SLC16A2: variants seen among roughly 807,000 people sequenced by gnomAD.
SLC16A2 encodes solute carrier family 16 member 2.
In SLC16A2, 3 loss-of-function variants were observed where a neutral mutation model predicts 27.2. That is an observed-to-expected ratio of 0.11 (90% CI 0.05 to 0.28). The LOEUF (loss-of-function observed/expected upper bound fraction) is 0.28, where lower values mean the gene tolerates loss of function less well. Among genes scored for constraint, SLC16A2 ranks in the 10% least tolerant of loss-of-function variants. SLC16A2 has a pLI of 1.00. For synonymous variants in SLC16A2, 202 were observed against 187.8 expected (o/e 1.08, Z -0.62); for missense variants, 295 against 458.5 (o/e 0.64, Z 3.26).
chrX:74,431,884 C>T (rs1928540296), intron 1 of SLC16A2, among the ~76,000 whole-genome samples: 1 of 111,375 alleles, frequency 9.0e-6, no homozygotes, highest in African/African-American at 3.3e-5. Context: ...ATTTCCTCCC[C>T]ATCTCCCACC....
intron 1 of SLC16A2, among the ~76,000 whole-genome samples, chrX:74,496,040 C>T (rs111853373): frequency 1.8e-5 from 2 of 110,971 alleles, no homozygotes; most frequent in Admixed American, 9.5e-5. Flanking sequence ...CCCAACTGCC[C>T]GGTCTTCCAG....
intron 1 of SLC16A2, among the ~76,000 whole-genome samples, chrX:74,451,056 T>A (rs1026525903): frequency 8.9e-6 from 1 of 111,953 alleles, no homozygotes; most frequent in Non-Finnish European, 1.9e-5. Context: ...GATCTGTGGG[T>A]AAAACACATG....
chrX:74,466,884 G>C (rs1442081550), intron 1 of SLC16A2, among the ~76,000 whole-genome samples: 2 of 112,717 alleles, frequency 1.8e-5, no homozygotes, highest in Non-Finnish European at 3.7e-5. Context: ...TGTGGCCCTA[G>C]AGAGGTTTTA....
At chrX:74,481,821 T>G (rs979776580) in intron 1 of SLC16A2, among the ~76,000 whole-genome samples, 1 of 108,371 alleles carries the variant, frequency 9.2e-6, no homozygotes, top group South Asian at 4.0e-4. Flanking sequence ...GTTTTTAAAT[T>G]TTTTTATTGA....
intron 1 of SLC16A2, among the ~76,000 whole-genome samples, chrX:74,427,774 CAT>C (rs1353507097): frequency 3.7e-5 from 4 of 106,778 alleles, no homozygotes; most frequent in African/African-American, 1.4e-4. Flanking sequence ...CACATATACA[CAT>C]GTGCGCAAGC....
chrX:74,453,562 A>G (rs1440545056), intron 1 of SLC16A2, among the ~76,000 whole-genome samples: 1 of 111,386 alleles, frequency 9.0e-6, no homozygotes, highest in African/African-American at 3.3e-5. Flanking sequence ...CTTTAAAAAA[A>G]CTGTTATTTT....
chrX:74,468,410 C>G (rs750453843), intron 1 of SLC16A2, among the ~76,000 whole-genome samples: 6 of 111,959 alleles, frequency 5.4e-5, no homozygotes, highest in African/African-American at 1.9e-4. Flanking sequence ...ATAATGTTTT[C>G]AAGGTTCTTC....
At chrX:74,467,285 G>T (rs1326909972) in intron 1 of SLC16A2, among the ~76,000 whole-genome samples, 3 of 111,694 alleles carry the variant, frequency 2.7e-5, no homozygotes, top group African/African-American at 9.8e-5. Context: ...CTTGACCTAG[G>T]CTACACAGCA....
At chrX:74,508,628 G>C (rs1407834660) in intron 1 of SLC16A2, among the ~76,000 whole-genome samples, 1 of 111,399 alleles carries the variant, frequency 9.0e-6, no homozygotes, top group Non-Finnish European at 1.9e-5. Flanking sequence ...TTATAATGTT[G>C]TCTGTAAATA....
At chrX:74,504,007 CTAAG>C (rs1414523525) in intron 1 of SLC16A2, among the ~76,000 whole-genome samples, 4 of 112,321 alleles carry the variant, frequency 3.6e-5, no homozygotes, top group African/African-American at 1.3e-4. Flanking sequence ...ATAGTAAGTG[CTAAG>C]TAAGTGTTAA....
chrX:74,421,696 A>T lies in SLC16A2; in HGVS notation c.59A>T (p.Gln20Leu), dbSNP rs1188921948. 2.5e-6 allele frequency: 3 copies of T among 1,190,547 alleles called. No individual in the cohort carries two copies. Among genetic ancestry groups the T allele is most frequent in the Non-Finnish European group, 3.4e-6 (3 of 887,026 alleles). ...EAKGPWQEAD[Q>L]EQQEPVGSPE... Reference sequence around the variant, plus strand: ...AAGGGGCCCTGGCAGGAGGCAGACCAGGAACAGCAGGAGCCGGTGGGTAGC... The same window carrying T: ...AAGGGGCCCTGGCAGGAGGCAGACCTGGAACAGCAGGAGCCGGTGGGTAGC... The change falls in exon 1 of 6, where the codon CAG becomes CTG. Residue 20 changes from glutamine to leucine, a missense_variant. Coordinates refer to ENST00000587091, the MANE Select transcript of SLC16A2 (RefSeq NM_006517.5).
At chrX:74,428,841 A>C (rs1432600891) in intron 1 of SLC16A2, among the ~76,000 whole-genome samples, 1 of 111,884 alleles carries the variant, frequency 8.9e-6, no homozygotes, top group Non-Finnish European at 1.9e-5. Context: ...AATATTCAAC[A>C]AATGTCGTCA....
chrX:74,516,625 A>G (rs1048066934), intron 1 of SLC16A2, among the ~76,000 whole-genome samples: 3 of 111,679 alleles, frequency 2.7e-5, no homozygotes, highest in African/African-American at 9.8e-5. Flanking sequence ...AAAAAGGTAT[A>G]CAAAGGAACA....
At chrX:74,459,245 T>TATATATATACA (rs1569288361) in intron 1 of SLC16A2, among the ~76,000 whole-genome samples, 4 of 99,066 alleles carry the variant, frequency 4.0e-5, no homozygotes, top group African/African-American at 1.1e-4. Context: ...TATATATATA[T>TATATATATACA]CTCACAAGTG....
chrX:74,504,443 A>G (rs1270448330), intron 1 of SLC16A2, among the ~76,000 whole-genome samples: 2 of 111,420 alleles, frequency 1.8e-5, no homozygotes, highest in Admixed American at 9.6e-5. Flanking sequence ...CCAGTACCCA[A>G]CCCAGACCCA....
At chrX:74,451,866 TTATAAA>T (rs1262301259) in intron 1 of SLC16A2, among the ~76,000 whole-genome samples, 1 of 112,835 alleles carries the variant, frequency 8.9e-6, no homozygotes, top group Non-Finnish European at 1.9e-5. Flanking sequence ...CTTCCTGGTG[TTATAAA>T]TAGGAGGGAA....
chrX:74,488,645 G>A (rs1254254657), intron 1 of SLC16A2, among the ~76,000 whole-genome samples: 4 of 110,112 alleles, frequency 3.6e-5, no homozygotes, highest in Middle Eastern at 9.3e-3. Context: ...ACATTATTAC[G>A]ACTTGCATAG....
chrX:74,446,993 G>A (rs1928848799), intron 1 of SLC16A2, among the ~76,000 whole-genome samples: 1 of 112,312 alleles, frequency 8.9e-6, no homozygotes, highest in Admixed American at 9.5e-5. Flanking sequence ...ATGCCAGACA[G>A]ATGAAGGTCT....
chrX:74,464,936 G>GCAA (rs752511999), intron 1 of SLC16A2, among the ~76,000 whole-genome samples: 248 of 110,781 alleles, frequency 2.2e-3, no homozygotes, highest in Admixed American at 4.7e-3. Flanking sequence ...CTCAATAACA[G>GCAA]CAACAACAAC....
Sources: gnomAD v4.1 joint callset for allele counts (sites outside exome capture counted in the v4.1 genomes callset) on GRCh38, gnomAD v4.1.1 for gene constraint, MANE v1.5 for transcripts, NCBI Gene and HGNC (gene_info 2026-07-23, HGNC 2026-07-21) for gene names.